The following MYO18A variants were observed in gnomAD, a reference collection of about 807,000 sequenced individuals.
The protein encoded by MYO18A is myosin XVIIIA.
A neutral mutation model predicts 235.8 loss-of-function variants in MYO18A; 78 were observed. The observed-to-expected ratio is 0.33, with a 90% CI of 0.28 to 0.40. MYO18A has a LOEUF of 0.40. MYO18A is among the 10% of genes least tolerant of loss of function. MYO18A has a pLI of 1.00. For missense variants in MYO18A, 2,215 were observed against 2,699.3 expected, an observed-to-expected ratio of 0.82 and a Z score of 3.98; for synonymous variants, 977 against 1,077.8, an observed-to-expected ratio of 0.91 and a Z score of 1.83.
At chr17:29,080,733 A>C (rs1224552355) in intron 41 of MYO18A, 1 of 985,404 alleles carries the variant, frequency 1.0e-6, no homozygotes, top group African/African-American at 1.7e-5. Context: ...GCCCCCGGCC[A>C]GCGCGCCCCC....
At position 29,122,231 on chromosome 17, in the gene MYO18A, G is replaced by A. The variant is rs764850323; in HGVS notation, c.1022C>T (p.Ala341Val). Residue 341 changes from alanine (A) to valine (V), a missense_variant, in exon 3 of 42, where the codon GCA (alanine) becomes GTA (valine). By Grantham distance (64) the Ala-to-Val change is moderately conservative. Transcript: ENST00000527372. ...CGTCTCATTCCAGGCCTCTTCTGCT[G>A]CAATCTGTTCTTCTGTTTTCGCCTG... Reference protein sequence around the residue: ...PSDAKTEEQIAAEEAWNETEK... With the variant: ...PSDAKTEEQIVAEEAWNETEK... 1.2e-5 allele frequency: 20 copies of A among 1,613,076 alleles called. No individual in the cohort carries two copies. The highest frequency in any genetic ancestry group is 1.6e-5 in the Non-Finnish European group (19 of 1,179,596).
At position 29,098,207 on chromosome 17, in the gene MYO18A, C is replaced by T. The variant is rs777401244; in HGVS notation, c.3888G>A (p.Ser1296=). ...CTGTGTTACGCTCATCTGTCAGCTC[C>T]GATGTCAGCTCTGAGATCTGGGGTT... ...RLESRISELT[S]ELTDERNTGE... Residue 1296 remains serine, a synonymous_variant, in exon 25 of 42, where the codon TCG becomes TCA. Transcript: ENST00000527372. 6.2e-6 allele frequency: 10 copies of T among 1,613,982 alleles called. No individual in the cohort carries two copies. Among genetic ancestry groups the T allele is most frequent in the South Asian group, 4.4e-5 (4 of 91,090 alleles).
chr17:29,167,596 C>T (rs943310190), intron 1 of MYO18A, among the ~76,000 whole-genome samples: 19 of 152,058 alleles, frequency 1.2e-4, no homozygotes, highest in South Asian at 2.1e-4. Flanking sequence ...GCCCACATTC[C>T]TAGCTACTTG....
chr17:29,149,106 A>G (rs1983146), intron 2 of MYO18A, among the ~76,000 whole-genome samples: 150,117 of 152,316 alleles, frequency 0.99, 74,081 homozygotes, highest in Middle Eastern at 1. Context: ...GCCGGCCTCC[A>G]GGCCCCACCC....
At position 29,074,453 on chromosome 17, in the gene MYO18A, G is replaced by A; in HGVS notation, c.*317C>T. The A allele has an allele frequency of 1.7e-6, 1 of 580,528 alleles. No homozygotes were observed. Among genetic ancestry groups the A allele is most frequent in the East Asian group, 2.9e-5 (1 of 34,306 alleles). The allele number at this position is 580,528 out of a possible 1,614,324, so 36.0% of individuals were successfully genotyped here. ...TCCCTGAGCAGGGAGCTGAGAGGGA[G>A]GTCAACGTGCTGGCTCCATGCAGTG... is the stretch of plus-strand genomic sequence containing the variant. On this transcript the variant is annotated 3_prime_UTR_variant, in exon 42 of 42. Coordinates refer to ENST00000527372, the MANE Select transcript of MYO18A (RefSeq NM_078471.4). This position sits in a 1 kb window ranked among gnomAD's most constrained non-coding sequence, Gnocchi z 4.4.
intron 40 of MYO18A, among the ~76,000 whole-genome samples, chr17:29,084,465 C>T (rs1486983395): frequency 1.3e-5 from 2 of 152,098 alleles, no homozygotes; most frequent in African/African-American, 4.8e-5. Context: ...TAATCAGGCC[C>T]GTAAACAAAC....
chr17:29,173,183 C>A (rs1465630420), intron 1 of MYO18A, among the ~76,000 whole-genome samples: 1 of 151,672 alleles, frequency 6.6e-6, no homozygotes, highest in Non-Finnish European at 1.5e-5. Context: ...CAATCCGCCT[C>A]CCGGGTTCAA....
At chr17:29,087,912 T>A (rs980819850) in intron 37 of MYO18A, among the ~76,000 whole-genome samples, 2 of 152,116 alleles carry the variant, frequency 1.3e-5, no homozygotes, top group African/African-American at 4.8e-5. Context: ...GGGCCTGTCC[T>A]GTGTCCACCA....
intron 33 of MYO18A, 82 bp from the exon 34 acceptor site, chr17:29,092,538 T>G: frequency 8.8e-7 from 1 of 1,134,410 alleles, no homozygotes; most frequent in South Asian, 1.3e-5. Flanking sequence ...AAGAGGGAGC[T>G]CGGATGCCCT....
intron 40 of MYO18A, among the ~76,000 whole-genome samples, chr17:29,083,167 A>G (rs902243894): frequency 7.9e-5 from 12 of 152,044 alleles, no homozygotes; most frequent in Non-Finnish European, 1.5e-4. Flanking sequence ...TGGGCTCAGA[A>G]AGTCCCACAC....
At chr17:29,150,917 G>A (rs2067952464) in intron 2 of MYO18A, among the ~76,000 whole-genome samples, 1 of 152,202 alleles carries the variant, frequency 6.6e-6, no homozygotes, top group African/African-American at 2.4e-5. Context: ...GGAAGGGCTA[G>A]TTTTGGCTGC....
chr17:29,166,094 T>C lies in MYO18A; in HGVS notation c.847A>G (p.Asn283Asp), dbSNP rs1418622028. 1 of 1,613,572 alleles carries C rather than the reference T, an allele frequency of 6.2e-7. No individual in the cohort carries two copies. The highest frequency in any genetic ancestry group is 1.7e-5 in the Admixed American group (1 of 60,030). The change falls in exon 2 of 42, where the codon AAT becomes GAT. Residue 283 changes from asparagine (N) to aspartate (D), a missense_variant. Physicochemically the swap from Asn to Asp is conservative, Grantham distance 23. Transcript: ENST00000527372. Reference protein sequence around the residue: ...GDRLVEINGHNVESKSRDEIV... With the variant: ...GDRLVEINGHDVESKSRDEIV... Reference sequence around the variant, plus strand: ...TCATCCCTGGACTTGCTCTCCACATTGTGCCCATTAATCTCCACCAGTCGA... The same window carrying C: ...TCATCCCTGGACTTGCTCTCCACATCGTGCCCATTAATCTCCACCAGTCGA...
At chr17:29,146,237 G>A (rs1302122949) in intron 2 of MYO18A, among the ~76,000 whole-genome samples, 4 of 151,700 alleles carry the variant, frequency 2.6e-5, no homozygotes, top group South Asian at 2.1e-4. Context: ...CAGCCCGGGC[G>A]ACAGAGAGAG....
At chr17:29,080,183 T>C in intron 41 of MYO18A, 1 of 986,030 alleles carries the variant, frequency 1.0e-6, no homozygotes, top group Non-Finnish European at 1.2e-6. Flanking sequence ...CTTTGGATGC[T>C]CTTCCTGTCA....
chr17:29,088,547 C>T (rs1475666992), intron 37 of MYO18A, among the ~76,000 whole-genome samples: 2 of 151,964 alleles, frequency 1.3e-5, no homozygotes, highest in South Asian at 2.1e-4. Context: ...CAGGGCTGCC[C>T]CTCACCAACC....
At position 29,129,039 on chromosome 17, in the gene MYO18A, TC is replaced by T. The variant is rs1208673926; in HGVS notation, c.1000-6787del. The T allele has an allele frequency of 3.1e-6, 4 of 1,289,204 alleles. No individual in the cohort carries two copies. The Admixed American group carries it at 6.9e-5, about 22-fold the overall frequency. The allele number at this position is 1,289,204 out of a possible 1,614,324, so 79.9% of individuals were successfully genotyped here. A position where few individuals can be genotyped will look rare whatever the true frequency, so the allele number is the denominator to read the frequency against. ...TCCTACCACCAATCCCAGGCCTAAC[TC>T]CAGGGCGTCCTGACCTTTGTAGTCC... On this transcript the variant is annotated intron_variant, in intron 2 of 41. Transcript: ENST00000527372.
At chr17:29,128,624 G>A (rs185712548) in intron 2 of MYO18A, 2 of 1,056,960 alleles carry the variant, frequency 1.9e-6, no homozygotes, top group East Asian at 6.4e-5. Context: ...ATAAGAAGGT[G>A]TGACCTCACG....
chr17:29,084,187 TGA>T (rs1049483152), intron 40 of MYO18A, among the ~76,000 whole-genome samples: 1 of 152,062 alleles, frequency 6.6e-6, no homozygotes, highest in Non-Finnish European at 1.5e-5. Context: ...CCAGTGTGTG[TGA>T]GTGTGTGTGC....
chr17:29,129,020 C>G (rs1237108043), intron 2 of MYO18A: 1 of 1,286,844 alleles, frequency 7.8e-7, no homozygotes, highest in East Asian at 5.5e-5. Flanking sequence ...CCATTCCTAC[C>G]ACCAATCCCA....
Sources: gnomAD v4.1 joint callset for allele counts (sites outside exome capture counted in the v4.1 genomes callset) on GRCh38, gnomAD v4.1.1 for gene constraint, Gnocchi (gnomAD v3.1) non-coding constraint, MANE v1.5 for transcripts, NCBI Gene and HGNC (gene_info 2026-07-23, HGNC 2026-07-21) for gene names.